Variants in SLC36A1 observed in about 807,000 individuals in gnomAD.
The protein encoded by SLC36A1 is proton-coupled amino acid transporter 1.
A neutral mutation model predicts 47.5 loss-of-function variants in SLC36A1; 30 were observed. The observed-to-expected ratio is 0.63, with a 90% CI of 0.47 to 0.86. SLC36A1 has a LOEUF of 0.86. SLC36A1 is among the 40% of genes least tolerant of loss of function. The pLI is 0.00. For missense variants in SLC36A1, 517 were observed against 606.0 expected (o/e 0.85, Z 1.54); for synonymous variants, 255 against 249.7 (o/e 1.02, Z -0.20).
At chr5:151,555,912 G>A in the SLC36A1 span, among the ~76,000 whole-genome samples, 3 of 152,082 alleles carry the variant, frequency 2.0e-5, no homozygotes, top group African/African-American at 7.2e-5. Flanking sequence ...CAGGCACCAG[G>A]AATGCCTATG....
Position 151,488,267 on chromosome 5 carries a change from G to A in SLC36A1, c.*13G>A, listed in dbSNP as rs755645300. The A allele has an allele frequency of 3.6e-5, 58 of 1,612,296 alleles. No homozygotes were observed. In the Middle Eastern group the frequency reaches 8.3e-4, roughly 23 times the overall value. On this transcript the variant is annotated 3_prime_UTR_variant, in exon 11 of 11. Transcript: ENST00000243389. ...TGCCTTCATATAGGGATCTGGGTTC[G>A]TCTCTGCAGCTGCCTACCCCTGCCC... is the stretch of plus-strand genomic sequence containing the variant.
the SLC36A1 span, chr5:151,512,186 A>T: frequency 6.2e-7 from 1 of 1,613,506 alleles, no homozygotes; most frequent in South Asian, 1.1e-5. The surrounding 1 kb of genome is among the most constrained non-coding windows in gnomAD (Gnocchi z 4.1). Context: ...GTCCATGAGC[A>T]CTTCCCACCA....
At chr5:151,409,638 C>T in the SLC36A1 span, among the ~76,000 whole-genome samples, 2 of 152,256 alleles carry the variant, frequency 1.3e-5, no homozygotes, top group Admixed American at 6.5e-5. Context: ...GAATCTCAGG[C>T]CCCACCCTGG....
At chr5:151,461,254 T>C (rs1755467625) in intron 2 of SLC36A1, among the ~76,000 whole-genome samples, 1 of 151,648 alleles carries the variant, frequency 6.6e-6, no homozygotes, top group Non-Finnish European at 1.5e-5. Flanking sequence ...CCTCCCAAAG[T>C]GCTTGGATTA....
chr5:151,452,752 C>T (rs1458097366), intron 1 of SLC36A1, among the ~76,000 whole-genome samples: 5 of 151,694 alleles, frequency 3.3e-5, no homozygotes, highest in Non-Finnish European at 7.4e-5. Flanking sequence ...CGCCTGTAAT[C>T]CCAGCCACTC....
chr5:151,531,115 C>G, the SLC36A1 span, among the ~76,000 whole-genome samples: 1 of 152,130 alleles, frequency 6.6e-6, no homozygotes, highest in African/African-American at 2.4e-5. The surrounding 1 kb of genome is among the most constrained non-coding windows in gnomAD (Gnocchi z 5.7). Flanking sequence ...CTAGTTCTCT[C>G]TCTCTTCAAG....
chr5:151,441,248 T>C (rs1752610738), intron 1 of SLC36A1, among the ~76,000 whole-genome samples: 1 of 152,170 alleles, frequency 6.6e-6, no homozygotes, highest in Non-Finnish European at 1.5e-5. Context: ...TGTAGTGTGC[T>C]ATGATCACTC....
chr5:151,416,126 CAAAA>C, the SLC36A1 span, among the ~76,000 whole-genome samples: 1 of 152,024 alleles, frequency 6.6e-6, no homozygotes, highest in African/African-American at 2.4e-5. Context: ...AAAATAACAA[CAAAA>C]AAGAAAGTAC....
the SLC36A1 span, chr5:151,540,708 A>G: frequency 1.2e-6 from 2 of 1,614,152 alleles, no homozygotes; most frequent in East Asian, 4.5e-5. Flanking sequence ...TCCTTGAGGA[A>G]ATCCTCCACT....
the SLC36A1 span, among the ~76,000 whole-genome samples, chr5:151,502,662 T>C: frequency 6.8e-6 from 1 of 148,136 alleles, no homozygotes; most frequent in Admixed American, 6.6e-5. Context: ...CAAATGCTGG[T>C]GAGAATGTGG....
At chr5:151,468,068 C>T (rs1316963513) in intron 7 of SLC36A1, 143 bp downstream of exon 7, 20 of 646,220 alleles carry the variant, frequency 3.1e-5, no homozygotes, top group South Asian at 3.0e-4. Context: ...CCAGCCTGGC[C>T]GTCATGGTGA....
chr5:151,492,446 G>T (rs1760200587), downstream of SLC36A1: 2 of 151,280 alleles, frequency 1.3e-5, no homozygotes, highest in Non-Finnish European at 2.9e-5. Flanking sequence ...CTAGATACTG[G>T]GTTAAATGTT....
chr5:151,408,404 G>T, the SLC36A1 span, among the ~76,000 whole-genome samples: 2 of 152,106 alleles, frequency 1.3e-5, no homozygotes, highest in Non-Finnish European at 2.9e-5. Context: ...AGCCAGGCTG[G>T]TCTTGAACTC....
chr5:151,469,999 A>G (rs1347819783), intron 7 of SLC36A1, among the ~76,000 whole-genome samples: 3 of 152,174 alleles, frequency 2.0e-5, no homozygotes, highest in Admixed American at 2.0e-4. Flanking sequence ...CTCTGTGAGT[A>G]TTGACTGTTT....
the SLC36A1 span, chr5:151,545,300 C>G: frequency 6.2e-7 from 1 of 1,614,068 alleles, no homozygotes; most frequent in Non-Finnish European, 8.5e-7. Flanking sequence ...CCATCAGAAG[C>G]CCTGATGGTG....
the SLC36A1 span, chr5:151,542,727 A>T: frequency 6.2e-7 from 1 of 1,614,220 alleles, no homozygotes; most frequent in Non-Finnish European, 8.5e-7. Context: ...CCTTATATGG[A>T]TCAGCCTCAA....
chr5:151,518,376 T>TAA, the SLC36A1 span, among the ~76,000 whole-genome samples: 1 of 149,860 alleles, frequency 6.7e-6, no homozygotes, highest in African/African-American at 2.4e-5. Flanking sequence ...ATAATAATAA[T>TAA]TTTTAAAAGA....
the SLC36A1 span, among the ~76,000 whole-genome samples, chr5:151,430,053 TGCTCAG>T: frequency 6.6e-6 from 1 of 152,152 alleles, no homozygotes; most frequent in Admixed American, 6.5e-5. Flanking sequence ...GAGCTCCTTG[TGCTCAG>T]GCTCTGTATT....
intron 9 of SLC36A1, among the ~76,000 whole-genome samples, chr5:151,478,133 T>A (rs1758324034): frequency 6.6e-6 from 1 of 152,230 alleles, no homozygotes; most frequent in Admixed American, 6.5e-5. Flanking sequence ...GTTCTCCTGC[T>A]TATAGCATAA....
Sources: allele counts gnomAD v4.1 joint callset (sites outside exome capture counted in the v4.1 genomes callset), GRCh38; gene constraint gnomAD v4.1.1; non-coding constraint Gnocchi (gnomAD v3.1); transcripts MANE v1.5; gene names NCBI Gene and HGNC (gene_info 2026-07-23, HGNC 2026-07-21).